The following MACC1 variants were observed in gnomAD, a reference collection of about 807,000 sequenced individuals.
The protein encoded by MACC1 is metastasis-associated in colon cancer protein 1.
Under a neutral mutation model 70.7 loss-of-function variants are expected in MACC1, and 79 were observed. That is an observed-to-expected ratio of 1.12 (90% confidence interval 0.93 to 1.35). The LOEUF is 1.35. Ranked by LOEUF, MACC1 falls within the 40% of genes most tolerant of loss-of-function variation. MACC1 has a pLI of 0.00. For synonymous variants in MACC1, 361 were observed against 347.2 expected (o/e 1.04, Z -0.44); for missense variants, 1,106 against 978.1 (o/e 1.13, Z -1.74).
At chr7:20,157,918 C>A (rs1460268219) in intron 5 of MACC1, among the ~76,000 whole-genome samples, 1 of 151,958 alleles carries the variant, frequency 6.6e-6, no homozygotes, top group Admixed American at 6.6e-5. Context: ...ATATTTGAGA[C>A]AGGAAGAGAA....
At chr7:20,174,887 T>C (rs569683439) in intron 1 of MACC1, among the ~76,000 whole-genome samples, 1 of 152,256 alleles carries the variant, frequency 6.6e-6, no homozygotes, top group South Asian at 2.1e-4. Flanking sequence ...TTTTGCAAAA[T>C]CCTTTACTAC....
At chr7:20,186,294 T>C (rs914353501) in intron 1 of MACC1, among the ~76,000 whole-genome samples, 1 of 152,144 alleles carries the variant, frequency 6.6e-6, no homozygotes, top group Non-Finnish European at 1.5e-5. Flanking sequence ...ATGTGAGGTA[T>C]TTATGACCAA....
At position 20,137,410 on chromosome 7, in the gene MACC1, G is replaced by A. The variant is rs1247698952; in HGVS notation, c.*3536C>T. On this transcript the variant is annotated 3_prime_UTR_variant, in exon 7 of 7. Coordinates refer to ENST00000400331, the MANE Select transcript of MACC1 (RefSeq NM_182762.4). Reference sequence around the variant, plus strand: ...CCATTTATTAGTATGAACAGTTAATGACACACTATTGAATGCTTCTACTTA... The same window carrying A: ...CCATTTATTAGTATGAACAGTTAATAACACACTATTGAATGCTTCTACTTA... The A allele has an allele frequency of 6.6e-6, 1 of 152,192 alleles. No homozygotes were observed. Among genetic ancestry groups the A allele is most frequent in the Non-Finnish European group, 1.5e-5 (1 of 68,026 alleles). The allele number at this position is 152,192 out of a possible 1,614,324, so 9.4% of individuals were successfully genotyped here. A position where few individuals can be genotyped will look rare whatever the true frequency, so the allele number is the denominator to read the frequency against.
intron 4 of MACC1, among the ~76,000 whole-genome samples, chr7:20,161,471 A>G (rs375064135): frequency 1.3e-5 from 2 of 152,110 alleles, no homozygotes; most frequent in African/African-American, 2.4e-5. Context: ...TCCTAGGTCA[A>G]TCAACCTTCA....
Position 20,159,974 on chromosome 7 carries a change from A to G in MACC1, c.387T>C (p.Thr129=). 1.9e-6 allele frequency: 3 copies of G among 1,614,122 alleles called. No homozygotes were observed. Among genetic ancestry groups the G allele is most frequent in the Non-Finnish European group, 2.5e-6 (3 of 1,180,016 alleles). ...ELDVHQLLRQ[T]SSRNSGRSKS... Reference sequence around the variant, plus strand: ...TAGATCTTCCAGAATTTCTTGAGGAAGTCTGCCTAAGTAACTGATGCACAT... The same window carrying G: ...TAGATCTTCCAGAATTTCTTGAGGAGGTCTGCCTAAGTAACTGATGCACAT... Residue 129 remains threonine (T), a synonymous_variant, in exon 5 of 7, where the codon ACT becomes ACC. Transcript: ENST00000400331.
intron 4 of MACC1, 136 bp downstream of exon 4, chr7:20,161,612 C>T (rs965461778): frequency 1.6e-5 from 9 of 557,370 alleles, no homozygotes; most frequent in Non-Finnish European, 2.9e-5. Flanking sequence ...ATCTTTTTAA[C>T]TATTTCTATG....
intron 1 of MACC1, among the ~76,000 whole-genome samples, chr7:20,177,493 T>C (rs1332122117): frequency 1.3e-5 from 2 of 152,128 alleles, no homozygotes; most frequent in African/African-American, 4.8e-5. Flanking sequence ...CATATAAGTA[T>C]GTGAAGGTTA....
intron 1 of MACC1, among the ~76,000 whole-genome samples, chr7:20,174,012 T>C (rs1186416157): frequency 2.0e-5 from 3 of 152,322 alleles, no homozygotes; most frequent in Non-Finnish European, 2.9e-5. Flanking sequence ...GGTAAGTTCA[T>C]GGATGGTTAG....
chr7:20,168,316 C>T (rs1447811369), intron 2 of MACC1, among the ~76,000 whole-genome samples: 1 of 151,806 alleles, frequency 6.6e-6, no homozygotes, highest in African/African-American at 2.4e-5. Flanking sequence ...GTGACATTTG[C>T]AGGAAGTTGG....
rs1170826692 is a variant in MACC1, at chr7:20,138,763, C to T, written c.*2183G>A. 4.6e-5 allele frequency: 7 copies of T among 151,938 alleles called. No homozygotes were observed. The highest frequency in any genetic ancestry group is 2.0e-4 in the Admixed American group (3 of 15,270). 9.4% of individuals were successfully genotyped at this position (151,938 alleles called of 1,614,324 possible). On this transcript the variant is annotated 3_prime_UTR_variant, in exon 7 of 7. Transcript: ENST00000400331. ...ACTCGGCTCACTGCAAGCTCCGCCTCCCGGGTTCACGCCATTCTCCTGCCT... is the reference window on the plus strand; with the variant it reads ...ACTCGGCTCACTGCAAGCTCCGCCTTCCGGGTTCACGCCATTCTCCTGCCT...
chr7:20,171,241 G>T (rs1169644718), intron 1 of MACC1, among the ~76,000 whole-genome samples: 1 of 141,288 alleles, frequency 7.1e-6, no homozygotes, highest in Non-Finnish European at 1.5e-5. Flanking sequence ...GAAACTGGAA[G>T]ATTATTTTAT....
intron 6 of MACC1, among the ~76,000 whole-genome samples, chr7:20,148,189 T>TGC (rs1781922689): frequency 6.6e-6 from 1 of 152,150 alleles, no homozygotes; most frequent in African/African-American, 2.4e-5. Context: ...GTGTACCCAA[T>TGC]GCTATAAAAG....
chr7:20,175,289 A>C (rs1336168246), intron 1 of MACC1, among the ~76,000 whole-genome samples: 2 of 152,134 alleles, frequency 1.3e-5, no homozygotes, highest in Non-Finnish European at 2.9e-5. Flanking sequence ...CAACCATTAA[A>C]AGAAATCTGT....
At chr7:20,212,152 C>A (rs1583415123) in intron 1 of MACC1, among the ~76,000 whole-genome samples, 1 of 152,090 alleles carries the variant, frequency 6.6e-6, no homozygotes, top group Non-Finnish European at 1.5e-5. Flanking sequence ...AAGCAGGGTA[C>A]TTTTTTATCT....
Position 20,140,824 on chromosome 7 carries a change from C to G in MACC1, c.*122G>C, listed in dbSNP as rs1380276213. The G allele has an allele frequency of 2.1e-5, 12 of 563,348 alleles. No homozygotes were observed. The highest frequency in any genetic ancestry group is 4.2e-4 in the Middle Eastern group (1 of 2,386). 34.9% of individuals were successfully genotyped at this position (563,348 alleles called of 1,614,324 possible). A position where few individuals can be genotyped will look rare whatever the true frequency, so the allele number is the denominator to read the frequency against. On this transcript the variant is annotated 3_prime_UTR_variant, in exon 7 of 7. Transcript: ENST00000400331. ...TCCTACACACACACACACACACACA[C>G]AGACACACACACACAGACACACACA...
Position 20,154,382 on chromosome 7 carries a change from C to G in MACC1, c.2158-1G>C. ...CTTGGCAATCCATTTTCAGAAGAGCCTGCAGCAACAATTACATGTCACAAT... is the reference window on the plus strand; with the variant it reads ...CTTGGCAATCCATTTTCAGAAGAGCGTGCAGCAACAATTACATGTCACAAT... On this transcript the variant is annotated splice_acceptor_variant, in intron 5 of 6. Coordinates refer to ENST00000400331, the MANE Select transcript of MACC1 (RefSeq NM_182762.4). LOFTEE classifies it high-confidence loss of function. 1 of 1,611,602 alleles carries G rather than the reference C, an allele frequency of 6.2e-7. No homozygotes were observed. The highest frequency in any genetic ancestry group is 1.7e-4 in the Middle Eastern group (1 of 6,056).
Position 20,159,797 on chromosome 7 carries a change from C to T in MACC1, c.564G>A (p.Leu188=). 2 of 1,614,126 alleles carry T rather than the reference C, an allele frequency of 1.2e-6. No individual in the cohort carries two copies. The highest frequency in any genetic ancestry group is 1.3e-5 in the African/African-American group (1 of 75,062). The change falls in exon 5 of 7, where the codon CTG becomes CTA. Residue 188 remains leucine (L), a synonymous_variant. Transcript: ENST00000400331. The stretch of plus-strand genomic sequence containing the variant: ...TATTCAAATCAAGGCAGGAGCGGGC[C>T]AGCTGGCGTTGACTTAACCAAGCCA... The part of the protein sequence containing the change: ...YKMAWLSQRQ[L]ARSCLDLNTI...
chr7:20,141,150 C>A lies in MACC1; in HGVS notation c.2355G>T (p.Trp785Cys). 6.3e-7 allele frequency: 1 copy of A among 1,590,770 alleles called. No homozygotes were observed. The highest frequency in any genetic ancestry group is 8.5e-7 in the Non-Finnish European group (1 of 1,171,372). Residue 785 changes from tryptophan (W) to cysteine (C), a missense_variant, in exon 7 of 7, where the codon TGG becomes TGT. By Grantham distance (215) the Trp-to-Cys change is radical. Coordinates refer to ENST00000400331, the MANE Select transcript of MACC1 (RefSeq NM_182762.4). ...TATACAGAAAATCATAGGCAGGTTT[C>A]CACATCATCTATAAAGAAAAAAAAT... ...NTGDVAVEMMWKPAYDFLYTW... is the reference protein window; with the variant it reads ...NTGDVAVEMMCKPAYDFLYTW...
intron 2 of MACC1, among the ~76,000 whole-genome samples, chr7:20,169,136 GA>G (rs1227510564): frequency 6.6e-6 from 1 of 152,156 alleles, no homozygotes; most frequent in African/African-American, 2.4e-5. Context: ...CTTTCATTGT[GA>G]AAAACATTTA....
Sources: gnomAD v4.1 joint callset for allele counts (sites outside exome capture counted in the v4.1 genomes callset) on GRCh38, gnomAD v4.1.1 for gene constraint, MANE v1.5 for transcripts, NCBI Gene and HGNC (gene_info 2026-07-23, HGNC 2026-07-21) for gene names.